The following TRAPPC3L variants were observed in gnomAD, a reference collection of about 807,000 sequenced individuals.
TRAPPC3L encodes the protein trafficking protein particle complex subunit 3L, also known as trafficking protein particle complex subunit 3-like protein.
Under a neutral mutation model 23.7 loss-of-function variants are expected in TRAPPC3L, and 23 were observed. That is an observed-to-expected ratio of 0.97 (90% CI 0.70 to 1.37). The LOEUF (loss-of-function observed/expected upper bound fraction) is 1.37. Among genes scored for constraint, TRAPPC3L ranks in the 40% most tolerant of loss-of-function variants. The pLI is 0.00. For missense variants in TRAPPC3L, 212 were observed against 216.8 expected (o/e 0.98, Z 0.14); for synonymous variants, 81 against 77.9 (o/e 1.04, Z -0.21).
chr6:116,539,479 G>C lies in TRAPPC3L; in HGVS notation c.240+884C>G, dbSNP rs546863667. Among the ~76,000 whole-genome samples, 200 of 152,182 alleles carry C rather than the reference G, an allele frequency of 1.3e-3. 1 individual carries two copies. Among genetic ancestry groups the C allele is most frequent in the Admixed American group, 4.7e-3 (72 of 15,278 alleles). Reference sequence around the variant, plus strand: ...TTCCCCACATATACTATTATTTACTGTTCATCATATTATTTCTGGAACTTA... The same window carrying C: ...TTCCCCACATATACTATTATTTACTCTTCATCATATTATTTCTGGAACTTA... On this transcript the variant is annotated intron_variant, in intron 3 of 4. Transcript: ENST00000368602.
At chr6:116,518,072 ATAGT>A (rs1772262213) in intron 3 of TRAPPC3L, 1 of 152,162 alleles carries the variant, frequency 6.6e-6, no homozygotes. Flanking sequence ...TAGACTGATG[ATAGT>A]AAATAAAGCC....
intron 3 of TRAPPC3L, among the ~76,000 whole-genome samples, chr6:116,538,139 TA>T (rs1332346911): frequency 6.6e-6 from 1 of 152,214 alleles, no homozygotes; most frequent in African/African-American, 2.4e-5. Flanking sequence ...TTCTTCTGAT[TA>T]AAATGAATAT....
chr6:116,516,124 A>G, intron 3 of TRAPPC3L: 1 of 1,223,798 alleles, frequency 8.2e-7, no homozygotes, highest in Admixed American at 2.8e-5. Flanking sequence ...AACACAAAGG[A>G]AACTGCTTTG....
intron 3 of TRAPPC3L, among the ~76,000 whole-genome samples, chr6:116,509,214 T>C (rs186452853): frequency 9.3e-5 from 14 of 150,832 alleles, no homozygotes. Context: ...CACAGGGAAA[T>C]ATATGCCATG....
chr6:116,545,069 A>G (rs1474234318), intron 1 of TRAPPC3L, among the ~76,000 whole-genome samples: 2 of 151,564 alleles, frequency 1.3e-5, no homozygotes, highest in Non-Finnish European at 2.9e-5. Context: ...ACCTATTTCG[A>G]TTCAGTTTTA....
At chr6:116,543,236 G>T in intron 2 of TRAPPC3L, 67 bp downstream of exon 2, 1 of 1,190,464 alleles carries the variant, frequency 8.4e-7, no homozygotes, top group Non-Finnish European at 1.2e-6. Context: ...AGTCATTAGA[G>T]GCAGAAAGAA....
At chr6:116,536,895 T>G (rs1773129306) in intron 3 of TRAPPC3L, among the ~76,000 whole-genome samples, 1 of 151,716 alleles carries the variant, frequency 6.6e-6, no homozygotes, top group Non-Finnish European at 1.5e-5. Flanking sequence ...TGAGGAGAGT[T>G]TACAAGGATT....
chr6:116,511,928 A>G, intron 3 of TRAPPC3L: 1 of 1,613,968 alleles, frequency 6.2e-7, no homozygotes, highest in Non-Finnish European at 8.5e-7. Context: ...GAGACTCTTC[A>G]CAGGCTGCTG....
chr6:116,528,225 A>T (rs1772507041), intron 3 of TRAPPC3L, among the ~76,000 whole-genome samples: 1 of 152,234 alleles, frequency 6.6e-6, no homozygotes, highest in Admixed American at 6.5e-5. Flanking sequence ...ATTCCTCTGC[A>T]GGTGCTTTGC....
intron 2 of TRAPPC3L, 26 bp from the exon 3 acceptor site, chr6:116,540,488 C>G: frequency 1.3e-6 from 2 of 1,544,430 alleles, no homozygotes; most frequent in Non-Finnish European, 1.7e-6. Flanking sequence ...AGAGTGTGGT[C>G]TGAAAATTCT....
intron 4 of TRAPPC3L, among the ~76,000 whole-genome samples, chr6:116,498,523 A>G (rs1269654610): frequency 5.9e-5 from 9 of 152,244 alleles, no homozygotes. Flanking sequence ...TTTGGTTGCT[A>G]TCTGGTTCCA....
chr6:116,540,980 G>A lies in TRAPPC3L; in HGVS notation c.141-518C>T, dbSNP rs570810328. 6.6e-5 allele frequency among the ~76,000 whole-genome samples: 10 copies of A among 152,098 alleles called. No homozygotes were observed. In the East Asian group the frequency reaches 1.5e-3, roughly 24 times the overall value. ...AATTTTTGTTGCCAGTGAGAGTTTC[G>A]GCATCTTCAGACTCTGAAGTTTACT... On this transcript the variant is annotated intron_variant, in intron 2 of 4. Transcript: ENST00000368602.
chr6:116,545,534 A>G lies in TRAPPC3L; in HGVS notation c.-20T>C, dbSNP rs1048145673. On this transcript the variant is annotated 5_prime_UTR_variant, in exon 1 of 5. Coordinates refer to ENST00000368602, the MANE Select transcript of TRAPPC3L (RefSeq NM_001139444.3). ...AGACATAGTGCTTGATAGATGAAGA[A>G]TATGATCTTCAATTTCTCTTCTTTT... 1.5e-5 allele frequency: 23 copies of G among 1,542,060 alleles called. 1 individual carries two copies. The Admixed American group carries it at 4.6e-4, about 31-fold the overall frequency.
intron 3 of TRAPPC3L, among the ~76,000 whole-genome samples, chr6:116,536,324 A>T (rs146833308): frequency 1.2e-3 from 185 of 152,302 alleles, no homozygotes; most frequent in African/African-American, 4.3e-3. Flanking sequence ...TCAGACCACT[A>T]GATGGCGCAA....
At chr6:116,518,633 C>T (rs1433361015) in intron 3 of TRAPPC3L, 1 of 152,234 alleles carries the variant, frequency 6.6e-6, no homozygotes, top group Non-Finnish European at 1.5e-5. Context: ...CATATAGGAA[C>T]TGGCCGATGC....
intron 3 of TRAPPC3L, among the ~76,000 whole-genome samples, chr6:116,533,971 C>G (rs181619738): frequency 6.6e-6 from 1 of 152,282 alleles, no homozygotes; most frequent in African/African-American, 2.4e-5. Context: ...AGCAACACAG[C>G]AGCCTTCTCC....
intron 3 of TRAPPC3L, among the ~76,000 whole-genome samples, chr6:116,525,898 T>C (rs1423672206): frequency 6.6e-6 from 1 of 152,228 alleles, no homozygotes; most frequent in African/African-American, 2.4e-5. Context: ...ATCATAATAA[T>C]TGCTGATGGT....
chr6:116,498,169 C>T (rs1771861093), intron 4 of TRAPPC3L, among the ~76,000 whole-genome samples: 1 of 152,214 alleles, frequency 6.6e-6, no homozygotes, highest in African/African-American at 2.4e-5. Flanking sequence ...TTTGGGGACA[C>T]ATGAGGTCTG....
Position 116,540,372 on chromosome 6 carries a change from T to C in TRAPPC3L, c.231A>G (p.Ile77Met). The change falls in exon 3 of 5, where the codon ATA becomes ATG. Residue 77 changes from isoleucine to methionine, a missense_variant. Coordinates refer to ENST00000368602, the MANE Select transcript of TRAPPC3L (RefSeq NM_001139444.3). ...RCHSYSEIID[I>M]IAQVAFKMYL... ...ATAAAAACATAGTTACCTGGGCAAT[T>C]ATGTCTATAATTTCTGAATAACTAT... is the stretch of plus-strand genomic sequence containing the variant. 6.4e-7 allele frequency: 1 copy of C among 1,550,888 alleles called. No homozygotes were observed. The highest frequency in any genetic ancestry group is 2.4e-5 in the East Asian group (1 of 40,908).
Sources: gnomAD v4.1 joint callset for allele counts (sites outside exome capture counted in the v4.1 genomes callset) on GRCh38, gnomAD v4.1.1 for gene constraint, MANE v1.5 for transcripts, NCBI Gene and HGNC (gene_info 2026-07-23, HGNC 2026-07-21) for gene names.